Variants in ADK observed in about 807,000 individuals in gnomAD.
ADK encodes N6,N6-dimethyladenosine kinase.
Under a neutral mutation model 44.7 loss-of-function variants are expected in ADK, and 24 were observed. The observed-to-expected ratio is 0.54, with a 90% CI of 0.39 to 0.76. ADK has a LOEUF of 0.76. ADK is among the 30% of genes least tolerant of loss of function. ADK has a pLI of 0.00. For missense variants in ADK, 321 were observed against 425.1 expected (o/e 0.76, Z 2.15); for synonymous variants, 128 against 142.6 (o/e 0.90, Z 0.73).
intron 6 of ADK, among the ~76,000 whole-genome samples, chr10:74,415,764 CT>C (rs1395707138): frequency 6.6e-6 from 1 of 152,016 alleles, no homozygotes; most frequent in East Asian, 1.9e-4. Context: ...TCCATACCCC[CT>C]GGATTTAATC....
chr10:74,489,951 G>A (rs1470056861), intron 6 of ADK, among the ~76,000 whole-genome samples: 1 of 151,852 alleles, frequency 6.6e-6, no homozygotes, highest in Non-Finnish European at 1.5e-5. Context: ...TGTGAAATAA[G>A]TAGAGTTTCT....
At chr10:74,283,791 C>T (rs1847045674) in intron 3 of ADK, among the ~76,000 whole-genome samples, 1 of 151,026 alleles carries the variant, frequency 6.6e-6, no homozygotes, top group East Asian at 1.9e-4. Flanking sequence ...CGCCATTCTC[C>T]TGCCTCAGCC....
At chr10:74,250,726 A>G (rs1395872101) in intron 3 of ADK, among the ~76,000 whole-genome samples, 1 of 152,138 alleles carries the variant, frequency 6.6e-6, no homozygotes, top group African/African-American at 2.4e-5. Flanking sequence ...GGGTAGTAGT[A>G]GTAGTGACTT....
intron 4 of ADK, among the ~76,000 whole-genome samples, chr10:74,392,226 C>G (rs1055479039): frequency 6.6e-6 from 1 of 152,136 alleles, no homozygotes; most frequent in Non-Finnish European, 1.5e-5. Context: ...ATATTTCTTT[C>G]AGGAACTTCC....
At chr10:74,304,454 A>C (rs1180020161) in intron 3 of ADK, among the ~76,000 whole-genome samples, 1 of 152,202 alleles carries the variant, frequency 6.6e-6, no homozygotes, top group Non-Finnish European at 1.5e-5. Context: ...ACTTGTTTAG[A>C]AATTTGATTT....
intron 3 of ADK, among the ~76,000 whole-genome samples, chr10:74,247,768 T>C (rs779394415): frequency 5.9e-5 from 9 of 152,150 alleles, no homozygotes; most frequent in Non-Finnish European, 1.3e-4. Context: ...GAAAGAATAA[T>C]GTTGAGGGCA....
At chr10:74,567,008 T>G (rs1194635602) in intron 7 of ADK, among the ~76,000 whole-genome samples, 1 of 152,224 alleles carries the variant, frequency 6.6e-6, no homozygotes, top group African/African-American at 2.4e-5. Context: ...AGAAAAGACT[T>G]TAGAAAGTGT....
chr10:74,663,062 C>T (rs1309757654), intron 9 of ADK, among the ~76,000 whole-genome samples: 1 of 151,626 alleles, frequency 6.6e-6, no homozygotes, highest in Non-Finnish European at 1.5e-5. Flanking sequence ...ATGATGAAAC[C>T]CTATCTCTAC....
At chr10:74,515,508 C>T (rs1053401754) in intron 6 of ADK, among the ~76,000 whole-genome samples, 12 of 152,144 alleles carry the variant, frequency 7.9e-5, no homozygotes, top group African/African-American at 2.2e-4. Context: ...AGGTCGGGGA[C>T]GTGGGCTTTT....
At chr10:74,309,133 T>C (rs1327926588) in intron 3 of ADK, among the ~76,000 whole-genome samples, 1 of 152,122 alleles carries the variant, frequency 6.6e-6, no homozygotes, top group Non-Finnish European at 1.5e-5. Flanking sequence ...ACATTAAAAA[T>C]TACAGTGCTA....
intron 4 of ADK, among the ~76,000 whole-genome samples, chr10:74,349,154 C>T (rs1841875233): frequency 6.6e-6 from 1 of 152,126 alleles, no homozygotes; most frequent in South Asian, 2.1e-4. Flanking sequence ...ATGTTAAGGG[C>T]AGCCATAGAG....
At chr10:74,430,303 A>G (rs1359859422) in intron 6 of ADK, among the ~76,000 whole-genome samples, 2 of 152,246 alleles carry the variant, frequency 1.3e-5, no homozygotes, top group Non-Finnish European at 2.9e-5. Context: ...TGACACTGAT[A>G]TAGTCAAGGC....
At chr10:74,563,667 A>G (rs569688176) in intron 7 of ADK, among the ~76,000 whole-genome samples, 1 of 152,336 alleles carries the variant, frequency 6.6e-6, no homozygotes, top group African/African-American at 2.4e-5. Context: ...AAATATAGGC[A>G]TGTACATTGT....
chr10:74,552,153 C>T (rs73274186), intron 7 of ADK, among the ~76,000 whole-genome samples: 4,701 of 151,860 alleles, frequency 0.031, 214 homozygotes, highest in African/African-American at 0.095. Flanking sequence ...TTGGTTTTCC[C>T]CAACTGTTTC....
intron 7 of ADK, among the ~76,000 whole-genome samples, chr10:74,527,381 A>C (rs965823181): frequency 1.3e-5 from 2 of 152,206 alleles, no homozygotes; most frequent in Non-Finnish European, 2.9e-5. Flanking sequence ...ACAAAAAAAA[A>C]AAAACATAAA....
intron 9 of ADK, among the ~76,000 whole-genome samples, chr10:74,634,148 A>G (rs140268840): frequency 2.6e-4 from 40 of 152,314 alleles, no homozygotes; most frequent in African/African-American, 9.4e-4. Context: ...TAAAAAAACA[A>G]TAATAATCCC....
intron 3 of ADK, among the ~76,000 whole-genome samples, chr10:74,255,347 G>C (rs762703136): frequency 6.6e-6 from 1 of 151,924 alleles, no homozygotes; most frequent in Admixed American, 6.6e-5. Flanking sequence ...ATCATTTGGG[G>C]AATTTCCAAA....
rs117248712 is a variant in ADK, at chr10:74,162,046, G to A, written c.65+10703G>A. On this transcript the variant is annotated intron_variant, in intron 1 of 10. Transcript: ENST00000539909. The stretch of plus-strand genomic sequence containing the variant: ...TTTTTTTGTTTGTTTTTTAGACAGA[G>A]TTTCACTCTTGTTGACCAGGCTGGA... Among the ~76,000 whole-genome samples, 1,181 of 152,138 alleles carry A rather than the reference G, an allele frequency of 7.8e-3. 7 individuals carry two copies. Among genetic ancestry groups the A allele is most frequent in the Non-Finnish European group, 0.012 (814 of 67,994 alleles).
intron 6 of ADK, among the ~76,000 whole-genome samples, chr10:74,409,566 T>C (rs975653677): frequency 6.6e-6 from 1 of 152,196 alleles, no homozygotes; most frequent in African/African-American, 2.4e-5. Flanking sequence ...AGTTCCTATG[T>C]CTTATTACAG....
Sources: gnomAD v4.1 joint callset for allele counts (sites outside exome capture counted in the v4.1 genomes callset) on GRCh38, gnomAD v4.1.1 for gene constraint, MANE v1.5 for transcripts, NCBI Gene and HGNC (gene_info 2026-07-23, HGNC 2026-07-21) for gene names.